The following SPEN variants were observed in gnomAD, a reference collection of about 807,000 sequenced individuals.
SPEN encodes the protein msx2-interacting protein.
SPEN carries 18 observed loss-of-function variants against 269.9 expected under a neutral mutation model. The ratio of observed to expected loss-of-function variants is 0.07; its 90% CI spans 0.05 to 0.10. The LOEUF is 0.10. Among genes scored for constraint, SPEN ranks in the 10% least tolerant of loss-of-function variants. SPEN has a pLI of 1.00. For synonymous variants in SPEN, 1,726 were observed against 1,765.7 expected, an observed-to-expected ratio of 0.98 and a Z score of 0.56; for missense variants, 3,822 against 4,631.2, an observed-to-expected ratio of 0.83 and a Z score of 5.07.
intron 1 of SPEN, among the ~76,000 whole-genome samples, chr1:15,864,222 G>A (rs1039273816): frequency 6.6e-6 from 1 of 151,148 alleles, no homozygotes; most frequent in Non-Finnish European, 1.5e-5. Context: ...AGGCTGGAGT[G>A]CAGTGGCTCG....
chr1:15,874,446 A>T, intron 2 of SPEN: 2 of 1,274,782 alleles, frequency 1.6e-6, no homozygotes, highest in Non-Finnish European at 2.1e-6. Flanking sequence ...ACCCAAGTCA[A>T]ACTCTCTTTT....
chr1:15,873,397 T>C, intron 2 of SPEN: 1 of 1,180,078 alleles, frequency 8.5e-7, no homozygotes, highest in East Asian at 3.8e-5. Context: ...ATTTTTGGAG[T>C]TACCTGTCTT....
At chr1:15,881,108 A>G (rs549324920) in intron 3 of SPEN, among the ~76,000 whole-genome samples, 1 of 152,248 alleles carries the variant, frequency 6.6e-6, no homozygotes, top group East Asian at 1.9e-4. Flanking sequence ...AGCTGGGATT[A>G]TAGGTGCACA....
rs111615156 is a variant in SPEN, at chr1:15,929,939, C to T, written c.3699C>T (p.Val1233=). ...GCAAAAAGAAAAGGATGGATCATGT[C>T]GATTTTGATATCTGCACCAAGCGAG... is the stretch of plus-strand genomic sequence containing the variant. ...PPSKKKRMDH[V]DFDICTKRER... Residue 1233 remains valine, a synonymous_variant, in exon 11 of 15, where the codon GTC becomes GTT. Coordinates refer to ENST00000375759, the MANE Select transcript of SPEN (RefSeq NM_015001.3). This position sits in a 1 kb window ranked among gnomAD's most constrained non-coding sequence, Gnocchi z 5.8. The T allele has an allele frequency of 6.2e-6, 10 of 1,614,016 alleles. No individual in the cohort carries two copies. Among genetic ancestry groups the T allele is most frequent in the African/African-American group, 2.7e-5 (2 of 74,932 alleles).
chr1:15,859,928 T>TTTC (rs1451188042), intron 1 of SPEN, among the ~76,000 whole-genome samples: 1 of 142,578 alleles, frequency 7.0e-6, no homozygotes, highest in Non-Finnish European at 1.5e-5. Context: ...TTTTTTTTTT[T>TTTC]TGAGACGGAG....
At chr1:15,860,405 G>GTGTGTGTGTGTGTGTA (rs2070433642) in intron 1 of SPEN, among the ~76,000 whole-genome samples, 1 of 145,698 alleles carries the variant, frequency 6.9e-6, no homozygotes, top group Non-Finnish European at 1.5e-5. Flanking sequence ...GTGTGTGTGT[G>GTGTGTGTGTGTGTGTA]TGTGTGTGTG....
chr1:15,920,568 C>T (rs1469117019), intron 8 of SPEN, among the ~76,000 whole-genome samples: 4 of 151,922 alleles, frequency 2.6e-5, no homozygotes, highest in Non-Finnish European at 2.9e-5. Flanking sequence ...CAAAACAAGA[C>T]GAATACTTTA....
At chr1:15,851,774 A>C (rs941493674) in intron 1 of SPEN, among the ~76,000 whole-genome samples, 2 of 152,108 alleles carry the variant, frequency 1.3e-5, no homozygotes, top group Non-Finnish European at 2.9e-5. Flanking sequence ...CACGAAGTCA[A>C]GAGTTCAAGA....
chr1:15,852,354 C>T (rs979808390), intron 1 of SPEN, among the ~76,000 whole-genome samples: 5 of 152,110 alleles, frequency 3.3e-5, no homozygotes, highest in African/African-American at 1.2e-4. Context: ...TATCTATTTG[C>T]ATGATAGGCT....
intron 1 of SPEN, among the ~76,000 whole-genome samples, chr1:15,872,227 A>C (rs1176268961): frequency 2.6e-4 from 39 of 150,540 alleles, no homozygotes; most frequent in African/African-American, 9.2e-4. Context: ...TGTCTCAAAA[A>C]AAAAAAAAAA....
chr1:15,929,684 GAA>G lies in SPEN; in HGVS notation c.3446_3447del (p.Lys1149IlefsTer7). 2 of 1,614,026 alleles carry G rather than the reference GAA, an allele frequency of 1.2e-6. No individual in the cohort carries two copies. The highest frequency in any genetic ancestry group is 1.7e-6 in the Non-Finnish European group (2 of 1,179,968). On this transcript the variant is annotated frameshift_variant, in exon 11 of 15. Transcript: ENST00000375759. LOFTEE classifies it high-confidence loss of function. The surrounding 1 kb of genome is among the most constrained non-coding windows in gnomAD (Gnocchi z 5.8). ...ETPERKSGQE[K>X]SHSVNTEEKI... ...CACCTGAACGTAAATCAGGCCAAGA[GAA>G]ATCACATTCAGTAAATACTGAAGAA...
At chr1:15,853,079 T>C (rs2070352351) in intron 1 of SPEN, among the ~76,000 whole-genome samples, 1 of 152,188 alleles carries the variant, frequency 6.6e-6, no homozygotes, top group Non-Finnish European at 1.5e-5. Flanking sequence ...CTTGAACTCC[T>C]GGGCTCAAGT....
intron 3 of SPEN, among the ~76,000 whole-genome samples, chr1:15,902,421 C>T (rs112017711): frequency 1.2e-4 from 18 of 152,094 alleles, no homozygotes; most frequent in Non-Finnish European, 2.2e-4. Context: ...GGTCCTCTTA[C>T]ACTTAGATAA....
At position 15,848,097 on chromosome 1, in the gene SPEN, G is replaced by T; in HGVS notation, c.30G>T (p.Val10=). Residue 10 remains valine, a synonymous_variant, in exon 1 of 15, where the codon GTG becomes GTT. Coordinates refer to ENST00000375759, the MANE Select transcript of SPEN (RefSeq NM_015001.3). This position sits in a 1 kb window ranked among gnomAD's most constrained non-coding sequence, Gnocchi z 5.1. Reference sequence around the variant, plus strand: ...TCCGGGAAACCAGGCATCTCTGGGTGGGCAACTTACCCGAGAACGTGCGGG... The same window carrying T: ...TCCGGGAAACCAGGCATCTCTGGGTTGGCAACTTACCCGAGAACGTGCGGG... MVRETRHLW[V]GNLPENVREE... 6.7e-7 allele frequency: 1 copy of T among 1,487,696 alleles called. No homozygotes were observed. The highest frequency in any genetic ancestry group is 9.0e-7 in the Non-Finnish European group (1 of 1,109,730). 92.2% of individuals were successfully genotyped at this position (1,487,696 alleles called of 1,614,324 possible).
chr1:15,930,393 G>C lies in SPEN; in HGVS notation c.4153G>C (p.Asp1385His). The change falls in exon 11 of 15, where the codon GAT becomes CAT. Residue 1385 changes from aspartate to histidine, a missense_variant. Physicochemically the swap from Asp to His is moderately conservative, Grantham distance 81 (BLOSUM62 -1). This residue lies in a region of SPEN where 267 missense variants were observed against 315.5 expected (regional missense o/e 0.85). Coordinates refer to ENST00000375759, the MANE Select transcript of SPEN (RefSeq NM_015001.3). The surrounding 1 kb of genome is among the most constrained non-coding windows in gnomAD (Gnocchi z 5.3). ...PGEVPSDSDEDGEHKSHSPRA... is the reference protein window; with the variant it reads ...PGEVPSDSDEHGEHKSHSPRA... ...TGAGGTGCCTTCTGATTCTGACGAA[G>C]ATGGTGAACACAAATCCCACTCACC... is the stretch of plus-strand genomic sequence containing the variant. 6.2e-7 allele frequency: 1 copy of C among 1,613,852 alleles called. No homozygotes were observed. The highest frequency in any genetic ancestry group is 8.5e-7 in the Non-Finnish European group (1 of 1,179,836).
rs2071127016 is a variant in SPEN, at chr1:15,922,360, T to G, written c.1850+11T>G. 1.3e-6 allele frequency: 2 copies of G among 1,563,072 alleles called. No individual in the cohort carries two copies. Among genetic ancestry groups the G allele is most frequent in the African/African-American group, 2.7e-5 (2 of 72,736 alleles). Reference sequence around the variant, plus strand: ...GTTAGCCGAAAGAAGGTATGTATTTTAAACTTACCAGTGTAGCTTGAGTTT... The same window carrying G: ...GTTAGCCGAAAGAAGGTATGTATTTGAAACTTACCAGTGTAGCTTGAGTTT... On this transcript the variant is annotated intron_variant, in intron 10 of 14. Transcript: ENST00000375759.
chr1:15,896,312 C>T (rs1054864814), intron 3 of SPEN, among the ~76,000 whole-genome samples: 2 of 149,662 alleles, frequency 1.3e-5, no homozygotes, highest in African/African-American at 4.9e-5. Flanking sequence ...TCTCCTGTCT[C>T]AGCCTCCCAC....
At chr1:15,861,734 C>A (rs1295127284) in intron 1 of SPEN, among the ~76,000 whole-genome samples, 1 of 151,942 alleles carries the variant, frequency 6.6e-6, no homozygotes, top group Admixed American at 6.6e-5. Context: ...ACCTTGGCCT[C>A]CCAGAATGCT....
At chr1:15,859,905 CTTTTTTTTTTT>C (rs34195453) in intron 1 of SPEN, among the ~76,000 whole-genome samples, 13 of 79,620 alleles carry the variant, frequency 1.6e-4, no homozygotes, top group Admixed American at 4.0e-4. Context: ...CAGTTAACAT[CTTTTTTTTTTT>C]TTTTTTTTTT....
Sources: gnomAD v4.1 joint callset for allele counts (sites outside exome capture counted in the v4.1 genomes callset) on GRCh38, gnomAD v4.1.1 for gene constraint, gnomAD v4.1.1 regional missense constraint, Gnocchi (gnomAD v3.1) non-coding constraint, MANE v1.5 for transcripts, NCBI Gene and HGNC (gene_info 2026-07-23, HGNC 2026-07-21) for gene names.